KIF15: variants seen among roughly 807,000 people sequenced by gnomAD.
KIF15 encodes the protein kinesin-like protein KIF15.
Under a neutral mutation model 190.6 loss-of-function variants are expected in KIF15, and 140 were observed. The observed-to-expected ratio is 0.73, with a 90% CI of 0.64 to 0.84. The LOEUF is 0.84. KIF15 is among the 40% of genes least tolerant of loss of function. KIF15 has a pLI of 0.00. For synonymous variants in KIF15, 528 were observed against 551.3 expected (o/e 0.96, Z 0.59); for missense variants, 1,372 against 1,584.4 (o/e 0.87, Z 2.28).
chr3:44,838,196 A>G (rs1268308414), intron 26 of KIF15, 79 bp from the exon 27 acceptor site: 2 of 1,443,396 alleles, frequency 1.4e-6, no homozygotes, highest in South Asian at 1.4e-5. Flanking sequence ...TAGTCTGTTA[A>G]AAGTTGTACA....
intron 26 of KIF15, among the ~76,000 whole-genome samples, chr3:44,835,075 G>A (rs532352568): frequency 3.9e-4 from 59 of 151,366 alleles, no homozygotes; most frequent in African/African-American, 7.5e-4. Context: ...ATAATATAGC[G>A]TATCAAAATC....
chr3:44,865,335 T>G, intron 6 of KIF15: 2 of 939,206 alleles, frequency 2.1e-6, no homozygotes, highest in Non-Finnish European at 3.2e-6. Context: ...TCTGGCTCTG[T>G]AAGGAGAGGT....
chr3:44,794,271 G>A lies in KIF15; in HGVS notation c.694G>A (p.Glu232Lys). The change falls in exon 8 of 35, where the codon GAA (glutamate) becomes AAA (lysine). Residue 232 changes from glutamate (E) to lysine (K), a missense_variant. Coordinates refer to ENST00000326047, the MANE Select transcript of KIF15 (RefSeq NM_020242.3). Reference protein sequence around the residue: ...RRVASTSMNRESSRSHAVFTI... With the variant: ...RRVASTSMNRKSSRSHAVFTI... ...TGTGGCATCAACATCAATGAACAGA[G>A]AATCGTCTAGGTCTCATGCCGTCTT... is the stretch of plus-strand genomic sequence containing the variant. 1 of 1,614,092 alleles carries A rather than the reference G, an allele frequency of 6.2e-7. No individual in the cohort carries two copies. The highest frequency in any genetic ancestry group is 8.5e-7 in the Non-Finnish European group (1 of 1,180,002).
At chr3:44,819,168 A>G (rs143259080) in intron 20 of KIF15, among the ~76,000 whole-genome samples, 1,792 of 151,962 alleles carry the variant, frequency 0.012, 30 homozygotes, top group African/African-American at 0.04. Flanking sequence ...CAGTCTTATC[A>G]ATTTTGTTGA....
At chr3:44,782,810 T>C (rs920315490) in intron 5 of KIF15, among the ~76,000 whole-genome samples, 2 of 152,072 alleles carry the variant, frequency 1.3e-5, no homozygotes, top group African/African-American at 4.8e-5. Flanking sequence ...CTGAGGTGGG[T>C]GCACACCCAA....
chr3:44,825,095 A>C (rs565534940), intron 20 of KIF15, among the ~76,000 whole-genome samples: 3 of 152,288 alleles, frequency 2.0e-5, no homozygotes, highest in African/African-American at 7.2e-5. Flanking sequence ...AACACAATTT[A>C]ACCTTCTCAG....
chr3:44,799,906 G>A (rs1261524221), intron 10 of KIF15, among the ~76,000 whole-genome samples: 1 of 152,134 alleles, frequency 6.6e-6, no homozygotes, highest in African/African-American at 2.4e-5. Context: ...TAGAGGCTAG[G>A]CTCCTTCCCC....
intron 20 of KIF15, 86 bp from the exon 21 acceptor site, chr3:44,825,953 T>G: frequency 7.5e-6 from 9 of 1,197,622 alleles, no homozygotes; most frequent in South Asian, 1.4e-5. Flanking sequence ...GGGCTGTAGA[T>G]GAGATAAATT....
At chr3:44,800,546 G>T in intron 11 of KIF15, 109 bp downstream of exon 11, 2 of 1,170,220 alleles carry the variant, frequency 1.7e-6, no homozygotes, top group South Asian at 3.1e-5. Flanking sequence ...TTTTCTGCAG[G>T]TATCTCTTTC....
intron 32 of KIF15, among the ~76,000 whole-genome samples, chr3:44,851,240 T>A (rs551944492): frequency 6.6e-6 from 1 of 152,220 alleles, no homozygotes; most frequent in South Asian, 2.1e-4. Context: ...TACTCTAGCC[T>A]GGGCAGCAGA....
chr3:44,829,873 CTT>C, intron 24 of KIF15, 96 bp from the exon 25 acceptor site: 1 of 374,156 alleles, frequency 2.7e-6, no homozygotes, highest in Non-Finnish European at 4.9e-6. Flanking sequence ...ATAAAATTGA[CTT>C]ATATTGCCAT....
chr3:44,817,206 T>C (rs1431810340), intron 20 of KIF15, among the ~76,000 whole-genome samples: 2 of 152,220 alleles, frequency 1.3e-5, no homozygotes, highest in Non-Finnish European at 2.9e-5. Flanking sequence ...TTCACTCTGA[T>C]GGTCATTTCT....
chr3:44,800,540 C>T, intron 11 of KIF15, 103 bp downstream of exon 11: 1 of 1,216,372 alleles, frequency 8.2e-7, no homozygotes, highest in Non-Finnish European at 1.2e-6. Context: ...CCAAATTTTT[C>T]TGCAGGTATC....
chr3:44,811,503 G>T (rs770826650), intron 17 of KIF15, among the ~76,000 whole-genome samples: 14 of 152,108 alleles, frequency 9.2e-5, no homozygotes, highest in Non-Finnish European at 1.9e-4. Context: ...AAATTAGCCG[G>T]GTGTGGTGGT....
At chr3:44,849,774 A>G (rs921534470) in intron 32 of KIF15, among the ~76,000 whole-genome samples, 2 of 152,158 alleles carry the variant, frequency 1.3e-5, no homozygotes, top group Non-Finnish European at 2.9e-5. Context: ...ATTTGTAAAA[A>G]TTTATTTTAA....
intron 16 of KIF15, among the ~76,000 whole-genome samples, chr3:44,807,634 C>T (rs1175861428): frequency 6.6e-6 from 1 of 152,022 alleles, no homozygotes; most frequent in Non-Finnish European, 1.5e-5. Context: ...TCAATGTCAC[C>T]AAGTATTTTC....
intron 6 of KIF15, among the ~76,000 whole-genome samples, chr3:44,866,337 G>T (rs1008785029): frequency 1.3e-5 from 2 of 152,152 alleles, no homozygotes; most frequent in South Asian, 4.1e-4. Flanking sequence ...CTCCCAAAGT[G>T]CTGGGATTAC....
intron 5 of KIF15, among the ~76,000 whole-genome samples, chr3:44,782,582 A>AT (rs1706220974): frequency 6.6e-6 from 1 of 152,228 alleles, no homozygotes; most frequent in South Asian, 2.1e-4. Context: ...TTAAAAGCAA[A>AT]TACACCTCTA....
In KIF15 at chr3:44,845,047, A is replaced by G. The variant is rs554284757; in HGVS notation, c.3695+1813A>G. On this transcript the variant is annotated intron_variant, in intron 30 of 34. Coordinates refer to ENST00000326047, the MANE Select transcript of KIF15 (RefSeq NM_020242.3). ...GTATGAGAAAATAGGAGTGGTTGAA[A>G]TCATGACTGAGTGAGGCAATGGCAA... 1.2e-4 allele frequency among the ~76,000 whole-genome samples: 19 copies of G among 152,374 alleles called. No homozygotes were observed. The South Asian group carries it at 3.5e-3, about 28-fold the overall frequency.
Sources: gnomAD v4.1 joint callset for allele counts (sites outside exome capture counted in the v4.1 genomes callset) on GRCh38, gnomAD v4.1.1 for gene constraint, MANE v1.5 for transcripts, NCBI Gene and HGNC (gene_info 2026-07-23, HGNC 2026-07-21) for gene names.